The following ASB3 variants were observed in gnomAD, a reference collection of about 807,000 sequenced individuals.
ASB3 encodes ankyrin repeat and SOCS box protein 3.
In ASB3, 41 loss-of-function variants were observed where a neutral mutation model predicts 54.5. That is an observed-to-expected ratio of 0.75 (90% CI 0.59 to 0.98). The LOEUF is 0.98. Among genes scored for constraint, ASB3 ranks in the 50% least tolerant of loss-of-function variants. The pLI, the probability that ASB3 is intolerant of heterozygous loss-of-function variation, is 0.00. For synonymous variants in ASB3, 266 were observed against 221.2 expected (o/e 1.20, Z -1.80); for missense variants, 733 against 620.0 (o/e 1.18, Z -1.94).
chr2:53,713,364 T>G (rs1670211349), intron 7 of ASB3, among the ~76,000 whole-genome samples: 1 of 152,236 alleles, frequency 6.6e-6, no homozygotes, highest in Non-Finnish European at 1.5e-5. Flanking sequence ...TTCTGTGTCA[T>G]TAAACACAAT....
At position 53,723,222 on chromosome 2, in the gene ASB3, C is replaced by T. The variant is rs180972435; in HGVS notation, c.604+5490G>A. On this transcript the variant is annotated intron_variant, in intron 5 of 9. Transcript: ENST00000263634. ...ACAAACAAACGGAAAACGCTGCTCACGGATTGCAAAAATCAATATCATTTT... is the reference window on the plus strand; with the variant it reads ...ACAAACAAACGGAAAACGCTGCTCATGGATTGCAAAAATCAATATCATTTT... Among the ~76,000 whole-genome samples the T allele has an allele frequency of 1.8e-4, 27 of 152,192 alleles. No individual in the cohort carries two copies. The East Asian group carries it at 4.6e-3, about 26-fold the overall frequency.
chr2:53,770,941 G>A (rs368152888), intron 1 of ASB3, among the ~76,000 whole-genome samples: 6 of 152,194 alleles, frequency 3.9e-5, no homozygotes, highest in African/African-American at 1.4e-4. Flanking sequence ...TCATAACTCA[G>A]AAGTGTAAAT....
intron 1 of ASB3, among the ~76,000 whole-genome samples, chr2:53,769,185 T>C (rs1356441656): frequency 1.3e-5 from 2 of 152,172 alleles, no homozygotes; most frequent in Admixed American, 6.5e-5. Flanking sequence ...TTCAAGACAT[T>C]AAAGAACTAA....
intron 9 of ASB3, among the ~76,000 whole-genome samples, chr2:53,690,255 T>TA (rs1558518352): frequency 1.1e-4 from 16 of 149,376 alleles, no homozygotes; most frequent in African/African-American, 2.5e-4. Context: ...ATAAATAAAT[T>TA]AATTAATTAA....
chr2:53,757,437 G>A (rs548613802), intron 2 of ASB3, among the ~76,000 whole-genome samples: 5 of 152,354 alleles, frequency 3.3e-5, no homozygotes, highest in Admixed American at 2.6e-4. Context: ...CGCAGCCGAA[G>A]TCTCTACTCA....
At chr2:53,701,869 A>C (rs2103771641) in intron 7 of ASB3, among the ~76,000 whole-genome samples, 1 of 152,336 alleles carries the variant, frequency 6.6e-6, no homozygotes, top group South Asian at 2.1e-4. Flanking sequence ...ATATATACTT[A>C]AATATAAGTT....
intron 7 of ASB3, among the ~76,000 whole-genome samples, chr2:53,701,518 G>C (rs922617687): frequency 6.6e-6 from 1 of 152,136 alleles, no homozygotes; most frequent in South Asian, 2.1e-4. Flanking sequence ...TCATGATATA[G>C]CCAAATTGAA....
intron 1 of ASB3, among the ~76,000 whole-genome samples, chr2:53,771,754 A>T (rs1673928034): frequency 6.6e-6 from 1 of 152,206 alleles, no homozygotes; most frequent in Admixed American, 6.5e-5. Context: ...TAATTCACTT[A>T]AGCTTTATCA....
intron 5 of ASB3, among the ~76,000 whole-genome samples, chr2:53,727,551 G>T (rs1048183494): frequency 7.9e-5 from 12 of 152,082 alleles, no homozygotes; most frequent in Admixed American, 5.2e-4. Context: ...GGGCAAAATC[G>T]CTGGAGGTCA....
Position 53,700,444 on chromosome 2 carries a change from G to A in ASB3, c.1065C>T (p.Tyr355=), listed in dbSNP as rs372080288. 2.1e-4 allele frequency: 344 copies of A among 1,613,994 alleles called. 1 individual carries two copies. Among genetic ancestry groups the A allele is most frequent in the South Asian group, 1.6e-3 (147 of 91,086 alleles). ...NELHLAYCLK[Y]EKFSIFRYFL... is the part of the protein sequence containing the mutation. ...AGTAGCGAAATATCGAAAACTTCTC[G>A]TACTTCAGGCAGTATGCCAAATGAA... Residue 355 remains tyrosine (Y), a synonymous_variant, in exon 8 of 10, where the codon TAC becomes TAT. Coordinates refer to ENST00000263634, the MANE Select transcript of ASB3 (RefSeq NM_016115.5).
chr2:53,704,595 T>C (rs868249693), intron 7 of ASB3, among the ~76,000 whole-genome samples: 2 of 152,148 alleles, frequency 1.3e-5, no homozygotes, highest in Admixed American at 6.5e-5. Flanking sequence ...CCTCTTGACA[T>C]ACCAAAGCAA....
In ASB3 at chr2:53,696,647, T is replaced by C. The variant is rs141173174; in HGVS notation, c.1239-2633A>G. ...TTACTAAAATTGAGTAATAGAACTA[T>C]AGATAGCCCTCCACATCCTAAGAGT... On this transcript the variant is annotated intron_variant, in intron 8 of 9. Transcript: ENST00000263634. Among the ~76,000 whole-genome samples the C allele has an allele frequency of 8.5e-5, 13 of 152,228 alleles. No homozygotes were observed. In the East Asian group the frequency reaches 2.3e-3, roughly 27 times the overall value.
intron 9 of ASB3, among the ~76,000 whole-genome samples, chr2:53,675,139 T>G (rs1668018434): frequency 6.6e-6 from 1 of 152,200 alleles, no homozygotes; most frequent in Non-Finnish European, 1.5e-5. Flanking sequence ...AAAAGGCTGT[T>G]GATGATGTTC....
At chr2:53,724,171 G>A (rs540731602) in intron 5 of ASB3, among the ~76,000 whole-genome samples, 1 of 152,204 alleles carries the variant, frequency 6.6e-6, no homozygotes, top group Admixed American at 6.5e-5. Context: ...CACAGAATAG[G>A]AGAAAATATT....
intron 3 of ASB3, among the ~76,000 whole-genome samples, chr2:53,743,457 C>T (rs1009181130): frequency 3.9e-5 from 6 of 151,990 alleles, no homozygotes; most frequent in African/African-American, 9.7e-5. Context: ...GCTATTTAAC[C>T]GTGGAACTAA....
chr2:53,760,625 C>G (rs773003204), intron 2 of ASB3, among the ~76,000 whole-genome samples: 42 of 148,758 alleles, frequency 2.8e-4, no homozygotes, highest in Admixed American at 6.7e-4. Flanking sequence ...TTGCCTGCAG[C>G]TAACCAATGG....
chr2:53,698,631 T>C (rs114452096), intron 8 of ASB3, among the ~76,000 whole-genome samples: 53 of 152,304 alleles, frequency 3.5e-4, no homozygotes, highest in African/African-American at 1.3e-3. Flanking sequence ...TTCATCCCAG[T>C]TCTTCACTAA....
At chr2:53,681,425 A>G (rs1321407258) in intron 9 of ASB3, among the ~76,000 whole-genome samples, 2 of 152,062 alleles carry the variant, frequency 1.3e-5, no homozygotes, top group Non-Finnish European at 2.9e-5. Context: ...CTTGTGGGGT[A>G]TTTCTCAAGA....
At chr2:53,716,843 T>A in intron 5 of ASB3, 100 bp from the exon 6 acceptor site, 1 of 1,314,932 alleles carries the variant, frequency 7.6e-7, no homozygotes, top group Non-Finnish European at 1.0e-6. Context: ...CGTAGCACGG[T>A]AAGCTTTTCC....
Sources: allele counts gnomAD v4.1 joint callset (sites outside exome capture counted in the v4.1 genomes callset), GRCh38; gene constraint gnomAD v4.1.1; transcripts MANE v1.5; gene names NCBI Gene and HGNC (gene_info 2026-07-23, HGNC 2026-07-21).